Variants in DMPK observed in about 807,000 individuals in gnomAD.
DMPK encodes myotonin-protein kinase.
Under a neutral mutation model 70.3 loss-of-function variants are expected in DMPK, and 32 were observed. The ratio of observed to expected loss-of-function variants is 0.46; its 90% CI spans 0.34 to 0.61. The LOEUF is 0.61. DMPK is among the 20% of genes least tolerant of loss of function. The pLI, the probability that DMPK is intolerant of heterozygous loss-of-function variation, is 0.01. For synonymous variants in DMPK, 469 were observed against 390.9 expected, an observed-to-expected ratio of 1.20 and a Z score of -2.36; for missense variants, 899 against 886.0, an observed-to-expected ratio of 1.01 and a Z score of -0.19.
intron 9 of DMPK, among the ~76,000 whole-genome samples, chr19:45,773,059 C>G (rs1362466868): frequency 2.0e-5 from 3 of 152,250 alleles, no homozygotes; most frequent in East Asian, 3.8e-4. Context: ...CATGTGACCG[C>G]TGCAGACCCC....
At position 45,778,230 on chromosome 19, in the gene DMPK, G is replaced by A. The variant is rs1316355997; in HGVS notation, c.582-10C>T. ...GTCGGGTTTGATGTCCCTGCACGGA[G>A]GAAAAGAGAAGGGTGGGATAAATGA... is the stretch of plus-strand genomic sequence containing the variant. On this transcript the variant is annotated splice_polypyrimidine_tract_variant and intron_variant, in intron 5 of 14. Transcript: ENST00000291270. 3.1e-6 allele frequency: 5 copies of A among 1,610,482 alleles called. No homozygotes were observed. The highest frequency in any genetic ancestry group is 3.4e-6 in the Non-Finnish European group (4 of 1,177,854).
In DMPK at chr19:45,777,312, G is replaced by C. The variant is rs563233712; in HGVS notation, c.1146+15C>G. 6.5e-7 allele frequency: 1 copy of C among 1,549,044 alleles called. No individual in the cohort carries two copies. Among genetic ancestry groups the C allele is most frequent in the East Asian group, 2.3e-5 (1 of 44,236 alleles). On this transcript the variant is annotated intron_variant, in intron 8 of 14. Transcript: ENST00000291270. This position sits in a 1 kb window ranked among gnomAD's most constrained non-coding sequence, Gnocchi z 6.7. ...GGGAGGTTCCCGCAGCCGAGCAGGG[G>C]CCACAGGTACCTACCCCGCCCCCGC...
At chr19:45,776,938 A>G (rs777398172) in intron 8 of DMPK, 29 of 192,308 alleles carry the variant, frequency 1.5e-4, no homozygotes, top group Non-Finnish European at 2.7e-4. Context: ...GCATGCCATG[A>G]CAGCTTGTTA....
rs1209217155 is a variant in DMPK, at chr19:45,777,148, C to G, written c.1146+179G>C. On this transcript the variant is annotated intron_variant, in intron 8 of 14. Transcript: ENST00000291270. The surrounding 1 kb of genome is among the most constrained non-coding windows in gnomAD (Gnocchi z 6.7). Reference sequence around the variant, plus strand: ...TACTGTCTGAAGACTGCTCTGTGTTCCCCCACTGGACTGTAAGTCTAGGTC... The same window carrying G: ...TACTGTCTGAAGACTGCTCTGTGTTGCCCCACTGGACTGTAAGTCTAGGTC... 1 of 838,218 alleles carries G rather than the reference C, an allele frequency of 1.2e-6. No homozygotes were observed. Among genetic ancestry groups the G allele is most frequent in the Non-Finnish European group, 1.8e-6 (1 of 564,202 alleles). The allele number at this position is 838,218 out of a possible 1,614,324, so 51.9% of individuals were successfully genotyped here.
intron 1 of DMPK, among the ~76,000 whole-genome samples, chr19:45,781,579 C>A (rs1970121316): frequency 6.6e-6 from 1 of 152,288 alleles, no homozygotes; most frequent in South Asian, 2.1e-4. Flanking sequence ...GAGACACACC[C>A]AGAAGAACCC....
intron 3 of DMPK, 24 bp downstream of exon 3, chr19:45,779,415 C>T: frequency 1.2e-6 from 2 of 1,614,000 alleles, no homozygotes; most frequent in African/African-American, 1.3e-5. Context: ...CCTCAAAGCC[C>T]CCCACGTCCG....
At chr19:45,771,112 C>G (rs1421123156) in intron 13 of DMPK, 52 bp from the exon 14 acceptor site, 6 of 1,408,088 alleles carry the variant, frequency 4.3e-6, no homozygotes, top group Non-Finnish European at 5.8e-6. Context: ...CAGCCCTCAG[C>G]GGTGGGGCGA....
Position 45,777,915 on chromosome 19 carries a change from T to C in DMPK, c.676-42A>G. 1 of 1,558,822 alleles carries C rather than the reference T, an allele frequency of 6.4e-7. No individual in the cohort carries two copies. The highest frequency in any genetic ancestry group is 8.7e-7 in the Non-Finnish European group (1 of 1,150,292). ...AGAGCGAGGCTTGGGCCCACCCCTC[T>C]GGGCCCACCAGCTCTGGGCCCTCCT... On this transcript the variant is annotated intron_variant, in intron 6 of 14. Coordinates refer to ENST00000291270, the MANE Select transcript of DMPK (RefSeq NM_004409.5). This position sits in a 1 kb window ranked among gnomAD's most constrained non-coding sequence, Gnocchi z 6.7.
In DMPK at chr19:45,769,873, C is replaced by T. The variant is rs559782572; in HGVS notation, c.*615G>A. On this transcript the variant is annotated 3_prime_UTR_variant, in exon 15 of 15. Transcript: ENST00000291270. Reference sequence around the variant, plus strand: ...TGTAGCCTGTCAGCGAGTCGGAGGACGAGGTCAATAAATATCCAAACCGCC... The same window carrying T: ...TGTAGCCTGTCAGCGAGTCGGAGGATGAGGTCAATAAATATCCAAACCGCC... The T allele has an allele frequency of 3.6e-5, 9 of 250,776 alleles. No homozygotes were observed. The highest frequency in any genetic ancestry group is 3.2e-4 in the South Asian group (7 of 21,710). The allele number at this position is 250,776 out of a possible 1,614,324, so 15.5% of individuals were successfully genotyped here.
rs1309089264 is a variant in DMPK, at chr19:45,769,893, A to C, written c.*595T>G. The stretch of plus-strand genomic sequence containing the variant: ...GAGGACGAGGTCAATAAATATCCAA[A>C]CCGCCGAAGCGGGCGGAGCCGGCTG... On this transcript the variant is annotated 3_prime_UTR_variant, in exon 15 of 15. Coordinates refer to ENST00000291270, the MANE Select transcript of DMPK (RefSeq NM_004409.5). The C allele has an allele frequency of 1.5e-5, 4 of 275,410 alleles. No individual in the cohort carries two copies. The highest frequency in any genetic ancestry group is 9.3e-5 in the African/African-American group (4 of 43,176). The allele number at this position is 275,410 out of a possible 1,614,324, so 17.1% of individuals were successfully genotyped here. A position where few individuals can be genotyped will look rare whatever the true frequency, so the allele number is the denominator to read the frequency against.
In DMPK at chr19:45,777,855, C is replaced by T. The variant is rs1600439042; in HGVS notation, c.694G>A (p.Val232Met). ...GGGGACAGGTAGTCTGGGGTGCCCA[C>T]AGCCACCAGCGACCGCACCTGGACC... The part of the protein sequence containing the change: ...ADGTVRSLVA[V>M]GTPDYLSPEI... Residue 232 changes from valine (V) to methionine (M), a missense_variant, in exon 7 of 15, where the codon GTG becomes ATG. Around this residue, in one of 3 missense-constraint regions of DMPK, gnomAD observed 195 missense variants for 259.7 expected, o/e 0.75. Coordinates refer to ENST00000291270, the MANE Select transcript of DMPK (RefSeq NM_004409.5). This position sits in a 1 kb window ranked among gnomAD's most constrained non-coding sequence, Gnocchi z 6.7. 1.9e-6 allele frequency: 3 copies of T among 1,609,358 alleles called. No individual in the cohort carries two copies. The highest frequency in any genetic ancestry group is 2.5e-6 in the Non-Finnish European group (3 of 1,179,634).
chr19:45,780,617 G>T, intron 1 of DMPK: 1 of 1,011,450 alleles, frequency 9.9e-7, no homozygotes, highest in Non-Finnish European at 1.2e-6. Context: ...GGGACTGTGG[G>T]GACAGGGAGG....
chr19:45,779,649 C>T, intron 2 of DMPK, 127 bp from the exon 3 acceptor site: 3 of 1,556,134 alleles, frequency 1.9e-6, no homozygotes, highest in South Asian at 2.4e-5. Context: ...GCCCATTGGT[C>T]CCAAGCCCCG....
At chr19:45,780,191 G>C (rs1339352727) in intron 1 of DMPK, 1 of 1,453,932 alleles carries the variant, frequency 6.9e-7, no homozygotes, top group South Asian at 1.5e-5. Flanking sequence ...AGGGGAGAAG[G>C]AAATAAGACC....
Position 45,777,743 on chromosome 19 carries a change from T to C in DMPK, c.806A>G (p.Tyr269Cys). 1 of 1,613,712 alleles carries C rather than the reference T, an allele frequency of 6.2e-7. No homozygotes were observed. Among genetic ancestry groups the C allele is most frequent in the South Asian group, 1.1e-5 (1 of 91,090 alleles). Reference sequence around the variant, plus strand: ...GGGCGTCTGCCCATAGAACATTTCATAGGCGAATACACCCAGCGCCCACCA... The same window carrying C: ...GGGCGTCTGCCCATAGAACATTTCACAGGCGAATACACCCAGCGCCCACCA... ...CDWWALGVFA[Y>C]EMFYGQTPFY... Residue 269 changes from tyrosine (Y) to cysteine (C), a missense_variant, in exon 7 of 15, where the codon TAT (tyrosine) becomes TGT (cysteine). Tyr to Cys is a radical substitution (Grantham distance 194). Transcript: ENST00000291270. This position sits in a 1 kb window ranked among gnomAD's most constrained non-coding sequence, Gnocchi z 6.7.
chr19:45,770,562 A>G lies in DMPK; in HGVS notation c.1816T>C (p.Cys606Arg). 2.6e-6 allele frequency: 4 copies of G among 1,551,296 alleles called. No individual in the cohort carries two copies. The highest frequency in any genetic ancestry group is 1.2e-5 in the South Asian group (1 of 84,094). The part of the protein sequence containing the change: ...VVLSRAAALG[C>R]IGLVAHAGQL... ...CCGGCGTGGGCCACCAACCCAATGC[A>G]GCCCAGGGCGGCGGCACGAGACAGA... Residue 606 changes from cysteine to arginine, a missense_variant, in exon 15 of 15, where the codon TGC becomes CGC. Cys to Arg is a radical substitution (Grantham distance 180). This residue lies in a region of DMPK where 555 missense variants were observed against 483.8 expected (regional missense o/e 1.15). Transcript: ENST00000291270.
rs1335803116 is a variant in DMPK, at chr19:45,774,973, T to A, written c.1208A>T (p.Tyr403Phe). 1 of 1,613,536 alleles carries A rather than the reference T, an allele frequency of 6.2e-7. No homozygotes were observed. Among genetic ancestry groups the A allele is most frequent in the Non-Finnish European group, 8.5e-7 (1 of 1,179,938 alleles). Residue 403 changes from tyrosine (Y) to phenylalanine (F), a missense_variant, in exon 9 of 15, where the codon TAC becomes TTC. Around this residue, in one of 3 missense-constraint regions of DMPK, gnomAD observed 555 missense variants for 483.8 expected, o/e 1.15. Transcript: ENST00000291270. ...PLGVHLPFVGYSYSCMALRDS... is the reference protein window; with the variant it reads ...PLGVHLPFVGFSYSCMALRDS... ...CCTGAGGGCCATGCAGGAGTAGGAGTAGCCCACAAAAGGCAGGTGGACCCC... is the reference window on the plus strand; with the variant it reads ...CCTGAGGGCCATGCAGGAGTAGGAGAAGCCCACAAAAGGCAGGTGGACCCC...
chr19:45,779,802 C>T lies in DMPK; in HGVS notation c.228G>A (p.Val76=). 1 of 1,571,112 alleles carries T rather than the reference C, an allele frequency of 6.4e-7. No individual in the cohort carries two copies. Among genetic ancestry groups the T allele is most frequent in the Non-Finnish European group, 8.6e-7 (1 of 1,156,606 alleles). ...CCTCGCTGAACGCCCCGCGTCCGAT[C>T]ACCTTCAGAATCTCGAAGTCGTCCC... ...LQRDDFEILK[V]IGRGAFSEVA... is the part of the protein sequence containing the mutation. The change falls in exon 2 of 15, where the codon GTG becomes GTA. Residue 76 remains valine (V), a synonymous_variant. Coordinates refer to ENST00000291270, the MANE Select transcript of DMPK (RefSeq NM_004409.5).
At chr19:45,770,943 G>A in intron 14 of DMPK, 28 bp downstream of exon 14, 1 of 1,400,094 alleles carries the variant, frequency 7.1e-7, no homozygotes, top group Non-Finnish European at 9.3e-7. Context: ...GCGCGACGGC[G>A]GAGGGGGGCG....
Sources: allele counts gnomAD v4.1 joint callset (sites outside exome capture counted in the v4.1 genomes callset), GRCh38; gene constraint gnomAD v4.1.1; regional missense constraint gnomAD v4.1.1; non-coding constraint Gnocchi (gnomAD v3.1); transcripts MANE v1.5; gene names NCBI Gene and HGNC (gene_info 2026-07-23, HGNC 2026-07-21).